The following MYOZ2 variants were observed in gnomAD, a reference collection of about 807,000 sequenced individuals.
MYOZ2 encodes the protein myozenin-2.
MYOZ2 carries 19 observed loss-of-function variants against 25.4 expected under a neutral mutation model. The observed-to-expected ratio is 0.75, with a 90% CI of 0.52 to 1.10. The LOEUF (loss-of-function observed/expected upper bound fraction) is 1.10, where lower values mean the gene tolerates loss of function less well. Ranked by LOEUF, MYOZ2 falls within the 50% of genes least tolerant of loss-of-function variation. MYOZ2 has a pLI of 0.00. For missense variants in MYOZ2, 270 were observed against 317.9 expected, an observed-to-expected ratio of 0.85 and a Z score of 1.15; for synonymous variants, 92 against 106.9, an observed-to-expected ratio of 0.86 and a Z score of 0.86.
intron 2 of MYOZ2, among the ~76,000 whole-genome samples, chr4:119,140,258 T>G (rs1477568826): frequency 6.6e-6 from 1 of 152,188 alleles, no homozygotes; most frequent in Admixed American, 6.5e-5. Context: ...GTCTAGAATT[T>G]CAGATGAAAG....
intron 5 of MYOZ2, among the ~76,000 whole-genome samples, chr4:119,182,274 A>G (rs1742198706): frequency 6.6e-6 from 1 of 152,230 alleles, no homozygotes; most frequent in Admixed American, 6.5e-5. Flanking sequence ...TAAAGGATGT[A>G]ATGCCTGATG....
At chr4:119,139,645 A>T (rs886690470) in intron 2 of MYOZ2, among the ~76,000 whole-genome samples, 1 of 152,228 alleles carries the variant, frequency 6.6e-6, no homozygotes, top group Non-Finnish European at 1.5e-5. Context: ...GAGGCACTCT[A>T]GAGAAACTGG....
At chr4:119,173,735 G>T (rs991032006) in intron 5 of MYOZ2, among the ~76,000 whole-genome samples, 4 of 152,220 alleles carry the variant, frequency 2.6e-5, no homozygotes, top group Non-Finnish European at 4.4e-5. Context: ...TTTCTGGGCT[G>T]GACAAGGCCG....
At chr4:119,183,287 A>C (rs1742225174) in intron 5 of MYOZ2, among the ~76,000 whole-genome samples, 1 of 152,122 alleles carries the variant, frequency 6.6e-6, no homozygotes, top group Admixed American at 6.6e-5. Flanking sequence ...GAAGTCATGG[A>C]AACTTCGGAG....
intron 3 of MYOZ2, among the ~76,000 whole-genome samples, chr4:119,151,478 T>A (rs778573655): frequency 1.3e-5 from 2 of 152,140 alleles, no homozygotes; most frequent in Non-Finnish European, 2.9e-5. Flanking sequence ...ACAGACACAT[T>A]CAATGCCCTC....
chr4:119,146,583 C>T (rs4833609), intron 2 of MYOZ2, among the ~76,000 whole-genome samples: 89,746 of 151,962 alleles, frequency 0.59, 28,793 homozygotes, highest in Non-Finnish European at 0.72. Flanking sequence ...TTGTGATCAG[C>T]GCTAACAATC....
chr4:119,164,749 T>C (rs1164963616), intron 5 of MYOZ2, among the ~76,000 whole-genome samples: 1 of 152,174 alleles, frequency 6.6e-6, no homozygotes, highest in Non-Finnish European at 1.5e-5. Context: ...TGTTCAAGAA[T>C]TTAATAAATA....
Position 119,185,862 on chromosome 4 carries a change from T to A in MYOZ2, c.561-104T>A, listed in dbSNP as rs1424882594. On this transcript the variant is annotated intron_variant, in intron 5 of 5. Transcript: ENST00000307128. Reference sequence around the variant, plus strand: ...ATAAGTAAGCCCATAAAATAATGAATTAAATACACCCATAAAATCATGCCT... The same window carrying A: ...ATAAGTAAGCCCATAAAATAATGAAATAAATACACCCATAAAATCATGCCT... The A allele has an allele frequency of 4.3e-6, 4 of 919,764 alleles. No individual in the cohort carries two copies. In the East Asian group the frequency reaches 1.0e-4, roughly 24 times the overall value. 57.0% of individuals were successfully genotyped at this position (919,764 alleles called of 1,614,324 possible).
rs192545074 is a variant in MYOZ2, at chr4:119,163,466, A to G, written c.377-745A>G. Among the ~76,000 whole-genome samples, 75 of 152,332 alleles carry G rather than the reference A, an allele frequency of 4.9e-4. 2 individuals carry two copies. In the South Asian group the frequency reaches 7.9e-3, roughly 16 times the overall value. On this transcript the variant is annotated intron_variant, in intron 4 of 5. Transcript: ENST00000307128. ...TAGAAAACTGGAAGAGTGTCACTCT[A>G]TGCATGTGAAAAAGGTTTAAAGATC...
chr4:119,181,833 G>T (rs542427453), intron 5 of MYOZ2, among the ~76,000 whole-genome samples: 1 of 152,206 alleles, frequency 6.6e-6, no homozygotes, highest in South Asian at 2.1e-4. Flanking sequence ...AGCAAATTTG[G>T]AATCTGATTT....
Position 119,141,350 on chromosome 4 carries a change from G to A in MYOZ2, c.76+4749G>A, listed in dbSNP as rs192026363. Among the ~76,000 whole-genome samples the A allele has an allele frequency of 1.4e-4, 22 of 152,176 alleles. No homozygotes were observed. In the East Asian group the frequency reaches 4.2e-3, roughly 29 times the overall value. On this transcript the variant is annotated intron_variant, in intron 2 of 5. Coordinates refer to ENST00000307128, the MANE Select transcript of MYOZ2 (RefSeq NM_016599.5). ...TTCTCAGTATAAATGACACCAATAAGAAAGTACACCTAACCATATTATTTT... is the reference window on the plus strand; with the variant it reads ...TTCTCAGTATAAATGACACCAATAAAAAAGTACACCTAACCATATTATTTT...
At chr4:119,177,824 C>T (rs1310603551) in intron 5 of MYOZ2, among the ~76,000 whole-genome samples, 4 of 152,186 alleles carry the variant, frequency 2.6e-5, no homozygotes, top group Non-Finnish European at 5.9e-5. Context: ...GTTTTTCTCT[C>T]TATTGGGTTA....
intron 3 of MYOZ2, among the ~76,000 whole-genome samples, chr4:119,157,533 C>T (rs760538212): frequency 2.6e-5 from 4 of 151,760 alleles, no homozygotes; most frequent in East Asian, 1.9e-4. Context: ...ATATGATTGC[C>T]GTTGAAATTT....
intron 5 of MYOZ2, among the ~76,000 whole-genome samples, chr4:119,167,343 C>A (rs1578740289): frequency 6.6e-6 from 1 of 152,208 alleles, no homozygotes; most frequent in South Asian, 2.1e-4. Flanking sequence ...AAGGCCCTAA[C>A]TTTCTTCAAC....
chr4:119,141,258 G>T (rs1046699530), intron 2 of MYOZ2, among the ~76,000 whole-genome samples: 1 of 152,160 alleles, frequency 6.6e-6, no homozygotes, highest in Non-Finnish European at 1.5e-5. Flanking sequence ...GTCTTTTGTC[G>T]TACTACAATT....
rs1316974095 is a variant in MYOZ2, at chr4:119,187,274, T to C, written c.*1074T>C. 2 of 152,172 alleles carry C rather than the reference T, an allele frequency of 1.3e-5. No homozygotes were observed. The highest frequency in any genetic ancestry group is 4.8e-5 in the African/African-American group (2 of 41,454). 9.4% of individuals were successfully genotyped at this position (152,172 alleles called of 1,614,324 possible). A position where few individuals can be genotyped will look rare whatever the true frequency, so the allele number is the denominator to read the frequency against. ...TATAATTGAAGAAGCATATGACATA[T>C]AACTTATAGAAATCAGTATCAATTC... On this transcript the variant is annotated 3_prime_UTR_variant, in exon 6 of 6. Coordinates refer to ENST00000307128, the MANE Select transcript of MYOZ2 (RefSeq NM_016599.5).
At chr4:119,150,772 A>G (rs750467854) in intron 2 of MYOZ2, 100 bp from the exon 3 acceptor site, 35 of 1,194,120 alleles carry the variant, frequency 2.9e-5, no homozygotes, top group Non-Finnish European at 4.0e-5. Flanking sequence ...ACTTATGATT[A>G]TGCAATTAGA....
intron 1 of MYOZ2, 123 bp from the exon 2 acceptor site, chr4:119,136,389 C>A: frequency 1.2e-6 from 1 of 839,086 alleles, no homozygotes; most frequent in Non-Finnish European, 1.9e-6. Context: ...TGAAGTCTTT[C>A]AGTAGCAAGC....
chr4:119,179,137 T>C (rs764910546), intron 5 of MYOZ2, among the ~76,000 whole-genome samples: 1 of 152,206 alleles, frequency 6.6e-6, no homozygotes, highest in Non-Finnish European at 1.5e-5. Context: ...CCAAACTTGT[T>C]ATCATGGCCT....
Sources: allele counts gnomAD v4.1 joint callset (sites outside exome capture counted in the v4.1 genomes callset), GRCh38; gene constraint gnomAD v4.1.1; transcripts MANE v1.5; gene names NCBI Gene and HGNC (gene_info 2026-07-23, HGNC 2026-07-21).